The following SYT14 variants were observed in gnomAD, a reference collection of about 807,000 sequenced individuals.
SYT14 encodes the protein synaptotagmin-14.
A neutral mutation model predicts 74.2 loss-of-function variants in SYT14; 32 were observed. The observed-to-expected ratio is 0.43, with a 90% CI of 0.33 to 0.58. The LOEUF (loss-of-function observed/expected upper bound fraction) is 0.58, where lower values mean the gene tolerates loss of function less well. Among genes scored for constraint, SYT14 ranks in the 20% least tolerant of loss-of-function variants. The probability of loss-of-function intolerance (pLI) is 0.05; values close to 1 mark genes in which losing one functional copy is unlikely to be tolerated. For synonymous variants in SYT14, 298 were observed against 337.7 expected (o/e 0.88, Z 1.29); for missense variants, 791 against 981.8 (o/e 0.81, Z 2.60).
rs1203390909 is a variant in SYT14, at chr1:209,973,809, C to T, written c.-486+21053C>T. Among the ~76,000 whole-genome samples, 13 of 152,216 alleles carry T rather than the reference C, an allele frequency of 8.5e-5. No individual in the cohort carries two copies. The East Asian group carries it at 2.5e-3, about 29-fold the overall frequency. On this transcript the variant is annotated intron_variant, in intron 2 of 9. Transcript: ENST00000637265. ...ACACTGACTTCTAGAATGGTTGAAC[C>T]AGTTTACAGTCCCACCAACAGTGTA...
Position 209,981,542 on chromosome 1 carries a change from C to A in SYT14, c.-486+28786C>A, listed in dbSNP as rs2079487634. 2.1e-5 allele frequency among the ~76,000 whole-genome samples: 3 copies of A among 139,626 alleles called. No individual in the cohort carries two copies. The South Asian group carries it at 7.0e-4, about 32-fold the overall frequency. 91.6% of individuals were successfully genotyped at this position (139,626 alleles called of 152,430 possible). On this transcript the variant is annotated intron_variant, in intron 2 of 9. Coordinates refer to ENST00000637265, the Ensembl canonical transcript of SYT14. ...TTGTAGCTCACTGCACCTCAAACTT[C>A]TGTGCTTAGGCAGTCCTCCCACCTT... is the stretch of plus-strand genomic sequence containing the variant.
intron 1 of SYT14, among the ~76,000 whole-genome samples, chr1:209,945,617 A>G (rs1000233046): frequency 2.0e-5 from 3 of 152,212 alleles, no homozygotes; most frequent in Non-Finnish European, 4.4e-5. Context: ...TTTAGATGAG[A>G]TGGAATTTAA....
chr1:210,117,063 C>T (rs1451013446), intron 7 of SYT14, among the ~76,000 whole-genome samples: 2 of 151,964 alleles, frequency 1.3e-5, no homozygotes, highest in South Asian at 4.2e-4. Context: ...GTGTGTATGC[C>T]ACTTCTCAGT....
At chr1:210,071,903 T>C (rs2081402052) in intron 5 of SYT14, among the ~76,000 whole-genome samples, 2 of 151,946 alleles carry the variant, frequency 1.3e-5, no homozygotes, top group East Asian at 3.8e-4. Flanking sequence ...GGCTATATAA[T>C]ATGAATGTTC....
chr1:210,018,053 C>A (rs2080222758), intron 4 of SYT14, among the ~76,000 whole-genome samples: 1 of 152,212 alleles, frequency 6.6e-6, no homozygotes, highest in African/African-American at 2.4e-5. Context: ...ATAGGAGAGG[C>A]TAATCCAGGA....
At chr1:209,973,441 T>C (rs1336331277) in intron 2 of SYT14, among the ~76,000 whole-genome samples, 1 of 152,136 alleles carries the variant, frequency 6.6e-6, no homozygotes, top group Non-Finnish European at 1.5e-5. Context: ...AGTTCCCACC[T>C]ATGAGTGAGA....
intron 2 of SYT14, among the ~76,000 whole-genome samples, chr1:209,979,855 T>G (rs986885211): frequency 1.3e-5 from 2 of 152,190 alleles, no homozygotes; most frequent in African/African-American, 4.8e-5. Context: ...AGTCCATCAC[T>G]GATGGGCATT....
At chr1:210,075,576 G>A (rs575991805) in intron 5 of SYT14, among the ~76,000 whole-genome samples, 39 of 148,584 alleles carry the variant, frequency 2.6e-4, no homozygotes, top group African/African-American at 9.2e-4. Flanking sequence ...CTCGTGATCC[G>A]CCTGCCTCGG....
chr1:210,104,762 A>C (rs1445974734), intron 7 of SYT14, among the ~76,000 whole-genome samples: 2 of 152,232 alleles, frequency 1.3e-5, no homozygotes, highest in Non-Finnish European at 2.9e-5. Context: ...TCACAAACAT[A>C]CACACAACCC....
chr1:210,170,656 A>G (rs2083514849), exon 10 of SYT14: 1 of 152,184 alleles, frequency 6.6e-6, no homozygotes, highest in South Asian at 2.1e-4. Flanking sequence ...ATGATGATAC[A>G]TAAACATCAG....
At chr1:210,144,400 G>A (rs2082986204) in intron 7 of SYT14, among the ~76,000 whole-genome samples, 1 of 151,964 alleles carries the variant, frequency 6.6e-6, no homozygotes, top group Non-Finnish European at 1.5e-5. Context: ...ACCTTTTTTA[G>A]ATAACTGAAG....
At chr1:210,045,042 G>A (rs1015943091) in intron 5 of SYT14, among the ~76,000 whole-genome samples, 1 of 152,052 alleles carries the variant, frequency 6.6e-6, no homozygotes, top group African/African-American at 2.4e-5. Flanking sequence ...ATTTGAGGGG[G>A]ACAGACATCC....
chr1:210,004,147 A>G (rs1257216864), intron 2 of SYT14, among the ~76,000 whole-genome samples: 1 of 152,086 alleles, frequency 6.6e-6, no homozygotes, highest in Non-Finnish European at 1.5e-5. Flanking sequence ...TTACTGAGCC[A>G]ACATTTTCAT....
chr1:210,076,613 G>T (rs1028330296), intron 5 of SYT14, among the ~76,000 whole-genome samples: 6 of 152,140 alleles, frequency 3.9e-5, no homozygotes, highest in African/African-American at 1.4e-4. Context: ...GGTTTAATTG[G>T]CTCATGGTTC....
intron 2 of SYT14, among the ~76,000 whole-genome samples, chr1:209,978,394 C>T (rs1327530486): frequency 1.3e-5 from 2 of 152,150 alleles, no homozygotes; most frequent in Admixed American, 1.3e-4. Context: ...GTGTGGATGT[C>T]CTTTCTGTTT....
chr1:210,069,243 T>C lies in SYT14; in HGVS notation c.1313-25079T>C, dbSNP rs1260379543. Among the ~76,000 whole-genome samples the C allele has an allele frequency of 2.0e-5, 3 of 151,946 alleles. No homozygotes were observed. The East Asian group carries it at 5.8e-4, about 29-fold the overall frequency. ...ATCTATTGTATCCAACAAAAGAGTATGCATTCTCTAATTCTTCGTTATAAG... is the reference window on the plus strand; with the variant it reads ...ATCTATTGTATCCAACAAAAGAGTACGCATTCTCTAATTCTTCGTTATAAG... On this transcript the variant is annotated intron_variant, in intron 5 of 9. Transcript: ENST00000637265.
At chr1:209,953,150 C>T (rs1020465106) in intron 2 of SYT14, 18 of 1,290,892 alleles carry the variant, frequency 1.4e-5, no homozygotes, top group East Asian at 1.1e-4. Context: ...AAATTCAAAT[C>T]GGGAACATAT....
intron 5 of SYT14, among the ~76,000 whole-genome samples, chr1:210,031,880 C>A (rs2080543920): frequency 6.6e-6 from 1 of 151,584 alleles, no homozygotes; most frequent in African/African-American, 2.4e-5. Context: ...GTAATGCCCA[C>A]CTATTGTTGT....
intron 2 of SYT14, among the ~76,000 whole-genome samples, chr1:210,000,199 A>G (rs2079869024): frequency 1.3e-5 from 2 of 152,138 alleles, no homozygotes; most frequent in Admixed American, 6.5e-5. Context: ...ACAGTATTCT[A>G]TATTTGTAAG....
Sources: gnomAD v4.1 joint callset for allele counts (sites outside exome capture counted in the v4.1 genomes callset) on GRCh38, gnomAD v4.1.1 for gene constraint, MANE v1.5 for transcripts, NCBI Gene and HGNC (gene_info 2026-07-23, HGNC 2026-07-21) for gene names.